Variants in STAT4 observed in about 807,000 individuals in gnomAD.
The protein encoded by STAT4 is signal transducer and activator of transcription 4.
STAT4 carries 42 observed loss-of-function variants against 110.5 expected under a neutral mutation model. That is an observed-to-expected ratio of 0.38 (90% CI 0.30 to 0.49). STAT4 has a LOEUF of 0.49. Ranked by LOEUF, STAT4 falls within the 20% of genes least tolerant of loss-of-function variation. The pLI is 0.95. For missense variants in STAT4, 632 were observed against 887.9 expected (o/e 0.71, Z 3.66); for synonymous variants, 284 against 302.2 (o/e 0.94, Z 0.63).
At position 191,029,596 on chromosome 2, in the gene STAT4, T is replaced by C. The variant is rs1270392534; in HGVS notation, c.*244A>G. On this transcript the variant is annotated 3_prime_UTR_variant, in exon 24 of 24. Transcript: ENST00000392320. The surrounding 1 kb of genome is among the most constrained non-coding windows in gnomAD (Gnocchi z 4.5). ...GCGAGTCTTCTGTTAATATTGTTAT[T>C]AACACTGGTTTCTTAAAGTTGTCTT... 1.0e-4 allele frequency: 53 copies of C among 505,126 alleles called. No homozygotes were observed. Among genetic ancestry groups the C allele is most frequent in the East Asian group, 3.7e-5 (1 of 27,102 alleles). The allele number at this position is 505,126 out of a possible 1,614,324, so 31.3% of individuals were successfully genotyped here.
intron 3 of STAT4, among the ~76,000 whole-genome samples, chr2:191,132,412 T>G (rs1483560971): frequency 1.3e-5 from 2 of 151,756 alleles, no homozygotes; most frequent in African/African-American, 4.9e-5. Context: ...ACAGCATCAT[T>G]GAGAGCTTCT....
chr2:191,133,107 T>C (rs1322757197), intron 3 of STAT4, among the ~76,000 whole-genome samples: 2 of 151,220 alleles, frequency 1.3e-5, no homozygotes, highest in African/African-American at 4.9e-5. Context: ...GGAAAAAATA[T>C]TTCTTATGGT....
intron 14 of STAT4, among the ~76,000 whole-genome samples, chr2:191,045,493 G>C (rs1173203684): frequency 6.6e-6 from 1 of 152,128 alleles, no homozygotes; most frequent in African/African-American, 2.4e-5. Flanking sequence ...TGAGCCATGG[G>C]AACATGTGAA....
intron 3 of STAT4, among the ~76,000 whole-genome samples, chr2:191,085,476 T>C (rs961366786): frequency 6.6e-6 from 1 of 151,942 alleles, no homozygotes. Context: ...GTATTCCAAA[T>C]TGTATGAGAT....
At chr2:191,093,989 G>A (rs969496868) in intron 3 of STAT4, among the ~76,000 whole-genome samples, 9 of 152,166 alleles carry the variant, frequency 5.9e-5, no homozygotes, top group Admixed American at 2.0e-4. Flanking sequence ...AAGGGTAACC[G>A]TGATTGAAGA....
intron 3 of STAT4, among the ~76,000 whole-genome samples, chr2:191,133,076 AC>A (rs1459896727): frequency 2.0e-5 from 3 of 151,392 alleles, no homozygotes; most frequent in Non-Finnish European, 2.9e-5. Context: ...TTAAAAATTA[AC>A]TTGAGTGGAA....
chr2:191,033,652 A>T lies in STAT4; in HGVS notation c.1716-26T>A. ...CTAAAAATAGAACATGCATTATTTC[A>T]TCTGATCATTATTGGATTTTCACTT... is the stretch of plus-strand genomic sequence containing the variant. On this transcript the variant is annotated intron_variant, in intron 19 of 23. Transcript: ENST00000392320. This position sits in a 1 kb window ranked among gnomAD's most constrained non-coding sequence, Gnocchi z 6.9. The T allele has an allele frequency of 6.2e-7, 1 of 1,605,520 alleles. No individual in the cohort carries two copies. The highest frequency in any genetic ancestry group is 8.5e-7 in the Non-Finnish European group (1 of 1,177,114).
chr2:191,084,033 A>G (rs961309286), intron 3 of STAT4, among the ~76,000 whole-genome samples: 3 of 151,928 alleles, frequency 2.0e-5, no homozygotes, highest in African/African-American at 7.3e-5. Flanking sequence ...GGAGGCTGAG[A>G]CAAGCAGATC....
chr2:191,127,834 T>C (rs1243527353), intron 3 of STAT4, among the ~76,000 whole-genome samples: 3 of 152,232 alleles, frequency 2.0e-5, no homozygotes, highest in African/African-American at 4.8e-5. Context: ...TGAATCGTCA[T>C]GGACTCGAGT....
Position 191,058,915 on chromosome 2 carries a change from T to TA in STAT4, c.1035-147dup, listed in dbSNP as rs1696777783. On this transcript the variant is annotated intron_variant, in intron 10 of 23. Transcript: ENST00000392320. The surrounding 1 kb of genome is among the most constrained non-coding windows in gnomAD (Gnocchi z 4.3). ...TCTACAGTTATATGTTAGTGTGTTT[T>TA]AAAAATGTATAATGCCTCTTTAGTT... is the stretch of plus-strand genomic sequence containing the variant. The TA allele has an allele frequency of 7.5e-6, 4 of 532,738 alleles. No individual in the cohort carries two copies. The highest frequency in any genetic ancestry group is 1.3e-5 in the Non-Finnish European group (4 of 304,228). 33.0% of individuals were successfully genotyped at this position (532,738 alleles called of 1,614,324 possible).
At chr2:191,132,814 G>A (rs1240447863) in intron 3 of STAT4, among the ~76,000 whole-genome samples, 4 of 150,118 alleles carry the variant, frequency 2.7e-5, no homozygotes, top group Non-Finnish European at 5.9e-5. Context: ...GAGTGCAGTG[G>A]CGTGATCTCG....
chr2:191,102,338 T>C (rs1698167637), intron 3 of STAT4, among the ~76,000 whole-genome samples: 1 of 152,188 alleles, frequency 6.6e-6, no homozygotes, highest in South Asian at 2.1e-4. Flanking sequence ...TCTTTGCTTG[T>C]GGTTTGCTAT....
chr2:191,031,026 TGGAGACATG>T lies in STAT4; in HGVS notation c.2157_2165del (p.Met720_Pro722del). The T allele has an allele frequency of 6.2e-7, 1 of 1,614,000 alleles. No homozygotes were observed. The highest frequency in any genetic ancestry group is 8.5e-7 in the Non-Finnish European group (1 of 1,179,850). ...TTTCTCTCAACACCGCATACACACT[TGGAGACATG>T]GGAAGAAGGTCTGATGGAGAATGTG... On this transcript the variant is annotated inframe_deletion, in exon 23 of 24. Transcript: ENST00000392320. The surrounding 1 kb of genome is among the most constrained non-coding windows in gnomAD (Gnocchi z 4.8).
At chr2:191,063,088 TC>T (rs1283489446) in intron 8 of STAT4, among the ~76,000 whole-genome samples, 168 bp from the exon 9 acceptor site, 2 of 152,202 alleles carry the variant, frequency 1.3e-5, no homozygotes, top group Non-Finnish European at 2.9e-5. Flanking sequence ...ATTTTTATTT[TC>T]CTAACCCATT....
chr2:191,038,292 T>C (rs1438456820), intron 16 of STAT4, among the ~76,000 whole-genome samples: 1 of 152,192 alleles, frequency 6.6e-6, no homozygotes, highest in South Asian at 2.1e-4. Flanking sequence ...AATTAATTTG[T>C]CTCAGATGCT....
At chr2:191,068,534 A>C (rs1697056146) in intron 6 of STAT4, 1 of 152,180 alleles carries the variant, frequency 6.6e-6, no homozygotes. Flanking sequence ...GTTTGGCCAC[A>C]ATCATTCATA....
chr2:191,065,357 C>T (rs1255500738), intron 7 of STAT4, among the ~76,000 whole-genome samples: 1 of 152,014 alleles, frequency 6.6e-6, no homozygotes, highest in Non-Finnish European at 1.5e-5. Flanking sequence ...TTGAGCCTTT[C>T]TGTGTTAATT....
At chr2:191,057,897 C>T (rs958776041) in intron 13 of STAT4, 121 bp downstream of exon 13, 34 of 922,614 alleles carry the variant, frequency 3.7e-5, no homozygotes, top group Admixed American at 2.0e-4. Context: ...CGTGCCCGGC[C>T]GGTTCCTAAT....
In STAT4 at chr2:191,033,433, C is replaced by A; in HGVS notation, c.1852+57G>T. On this transcript the variant is annotated intron_variant, in intron 20 of 23. Transcript: ENST00000392320. This position sits in a 1 kb window ranked among gnomAD's most constrained non-coding sequence, Gnocchi z 6.9. ...CATACACTTCCAAAAACTGAAATCC[C>A]AGTAACCAAATTTAAGAAAACTAAT... 6.4e-7 allele frequency: 1 copy of A among 1,556,072 alleles called. No individual in the cohort carries two copies. Among genetic ancestry groups the A allele is most frequent in the African/African-American group, 1.4e-5 (1 of 72,994 alleles).
Sources: gnomAD v4.1 joint callset for allele counts (sites outside exome capture counted in the v4.1 genomes callset) on GRCh38, gnomAD v4.1.1 for gene constraint, Gnocchi (gnomAD v3.1) non-coding constraint, MANE v1.5 for transcripts, NCBI Gene and HGNC (gene_info 2026-07-23, HGNC 2026-07-21) for gene names.